The following LGI4 variants were observed in gnomAD, a reference collection of about 807,000 sequenced individuals.
The protein encoded by LGI4 is leucine rich repeat LGI family member 4, also known as leucine-rich repeat LGI family member 4.
Under a neutral mutation model 48.3 loss-of-function variants are expected in LGI4, and 36 were observed. That is an observed-to-expected ratio of 0.75 (90% CI 0.57 to 0.98). LGI4 has a LOEUF of 0.98. LGI4 is among the 50% of genes least tolerant of loss of function. The pLI, the probability that LGI4 is intolerant of heterozygous loss-of-function variation, is 0.00. For missense variants in LGI4, 701 were observed against 732.1 expected, an observed-to-expected ratio of 0.96 and a Z score of 0.49; for synonymous variants, 355 against 331.6, an observed-to-expected ratio of 1.07 and a Z score of -0.77.
In LGI4 at chr19:35,131,870, G is replaced by A. The variant is rs777168636; in HGVS notation, c.387-10C>T. ...GTTATTGGCCAGGCTTCTGGTGGAG[G>A]AAGAGAAGGCACCGTCAGCAGCCAC... is the stretch of plus-strand genomic sequence containing the variant. On this transcript the variant is annotated splice_polypyrimidine_tract_variant and intron_variant, in intron 4 of 8. Coordinates refer to ENST00000310123, the MANE Select transcript of LGI4 (RefSeq NM_139284.3). 7.0e-6 allele frequency: 11 copies of A among 1,570,020 alleles called. No individual in the cohort carries two copies. The African/African-American group carries it at 1.2e-4, about 17-fold the overall frequency.
chr19:35,128,823 C>T (rs1056386499), intron 6 of LGI4, among the ~76,000 whole-genome samples: 4 of 152,322 alleles, frequency 2.6e-5, no homozygotes, highest in Admixed American at 2.0e-4. Flanking sequence ...CACTCACTAC[C>T]CCTGAGCCAC....
At chr19:35,125,956 AC>A in intron 8 of LGI4, 1 of 538,042 alleles carries the variant, frequency 1.9e-6, no homozygotes, top group South Asian at 1.9e-5. Context: ...GCAGTGCTTA[AC>A]CCTAGCATCA....
chr19:35,129,243 G>A (rs2065159624), intron 6 of LGI4, among the ~76,000 whole-genome samples: 2 of 152,004 alleles, frequency 1.3e-5, no homozygotes, highest in Non-Finnish European at 1.5e-5. Flanking sequence ...CTTCTTCTAT[G>A]TGTCCCACAG....
chr19:35,127,976 C>G (rs1410567379), intron 6 of LGI4, among the ~76,000 whole-genome samples: 1 of 152,166 alleles, frequency 6.6e-6, no homozygotes, highest in Non-Finnish European at 1.5e-5. Context: ...TTAGATGTGG[C>G]TGTTTTGAGA....
intron 3 of LGI4, 33 bp from the exon 4 acceptor site, chr19:35,132,075 C>A (rs1350336023): frequency 6.5e-7 from 1 of 1,543,504 alleles, no homozygotes; most frequent in Non-Finnish European, 8.8e-7. Context: ...GGGGGAGGCC[C>A]GCTGAGCTTC....
chr19:35,133,092 G>A (rs1006934268), intron 3 of LGI4, among the ~76,000 whole-genome samples: 2 of 152,060 alleles, frequency 1.3e-5, no homozygotes, highest in Middle Eastern at 3.4e-3. Flanking sequence ...TCACCACTGG[G>A]GCTACCATTT....
At chr19:35,134,454 C>G (rs552113941) in intron 1 of LGI4, 57 bp downstream of exon 1, 2 of 1,528,960 alleles carry the variant, frequency 1.3e-6, no homozygotes, top group East Asian at 2.4e-5. Context: ...ATCCCAACCT[C>G]TGGGGTCCCA....
At chr19:35,133,373 A>G (rs2065188130) in intron 3 of LGI4, 22 of 1,191,822 alleles carry the variant, frequency 1.8e-5, no homozygotes, top group Non-Finnish European at 2.2e-5. Context: ...TGACTTCTGT[A>G]CACCCTTCCT....
At chr19:35,130,701 A>T (rs2145365532) in intron 6 of LGI4, among the ~76,000 whole-genome samples, 1 of 152,288 alleles carries the variant, frequency 6.6e-6, no homozygotes, top group South Asian at 2.1e-4. Context: ...CAACTCTTAG[A>T]AAAGAAGAGC....
At chr19:35,127,286 G>A (rs965241795) in intron 6 of LGI4, among the ~76,000 whole-genome samples, 5 of 152,224 alleles carry the variant, frequency 3.3e-5, no homozygotes, top group African/African-American at 1.2e-4. Flanking sequence ...CTAGGCTCAA[G>A]CAATCCTCCT....
At chr19:35,133,803 AG>A (rs1461332406) in intron 2 of LGI4, 39 bp from the exon 3 acceptor site, 1 of 1,564,376 alleles carries the variant, frequency 6.4e-7, no homozygotes, top group Admixed American at 1.9e-5. Context: ...CCAGAATTGC[AG>A]CCCCCATCTG....
At chr19:35,131,730 C>T in intron 5 of LGI4, 59 bp downstream of exon 5, 1 of 1,430,554 alleles carries the variant, frequency 7.0e-7, no homozygotes, top group Non-Finnish European at 9.6e-7. Flanking sequence ...GGCACGGATG[C>T]CCCCCGCCGA....
Position 35,134,628 on chromosome 19 carries a change from A to G in LGI4, c.53T>C (p.Val18Ala), listed in dbSNP as rs2065197435. The change falls in exon 1 of 9, where the codon GTG becomes GCG. Residue 18 changes from valine to alanine, a missense_variant. By Grantham distance (64) the Val-to-Ala change is moderately conservative (BLOSUM62 0). Coordinates refer to ENST00000310123, the MANE Select transcript of LGI4 (RefSeq NM_139284.3). ...LLLLAGAGVV[V>A]AWRPPKGKCP... The stretch of plus-strand genomic sequence containing the variant: ...CTTTCCCTTTGGGGGTCTCCAGGCC[A>G]CCACCACCCCCGCCCCAGCCAGCAG... 6.4e-7 allele frequency: 1 copy of G among 1,570,468 alleles called. No homozygotes were observed. The highest frequency in any genetic ancestry group is 8.7e-7 in the Non-Finnish European group (1 of 1,155,118).
At chr19:35,133,977 G>T in intron 2 of LGI4, 56 bp downstream of exon 2, 1 of 1,506,296 alleles carries the variant, frequency 6.6e-7, no homozygotes, top group Non-Finnish European at 9.0e-7. Context: ...TCCCACACAT[G>T]TGCATAAACG....
At position 35,133,725 on chromosome 19, in the gene LGI4, A is replaced by G. The variant is rs1451024714; in HGVS notation, c.282T>C (p.Asp94=). The stretch of plus-strand genomic sequence containing the variant: ...GCAGGTGGGACAGGCCCGCAAATGC[A>G]TCGTCCTCAATCACGGAGAAGGAGT... ...TSNSFSVIED[D]AFAGLSHLQY... The change falls in exon 3 of 9, where the codon GAT becomes GAC. Residue 94 remains aspartate, a synonymous_variant. Transcript: ENST00000310123. 1.9e-6 allele frequency: 3 copies of G among 1,609,514 alleles called. No homozygotes were observed. Among genetic ancestry groups the G allele is most frequent in the South Asian group, 2.2e-5 (2 of 89,656 alleles).
At chr19:35,125,547 G>A in intron 8 of LGI4, 40 bp from the exon 9 acceptor site, 3 of 1,474,706 alleles carry the variant, frequency 2.0e-6, no homozygotes, top group Non-Finnish European at 2.7e-6. Context: ...GGTCCCGGGG[G>A]TCTCTGGGGG....
intron 6 of LGI4, among the ~76,000 whole-genome samples, chr19:35,129,845 T>C (rs1330476140): frequency 6.6e-6 from 1 of 151,550 alleles, no homozygotes; most frequent in African/African-American, 2.4e-5. Flanking sequence ...GGAAGGCATC[T>C]GTCTCCTGCT....
At chr19:35,131,676 G>T (rs1053056300) in intron 5 of LGI4, 113 bp downstream of exon 5, 4 of 1,402,188 alleles carry the variant, frequency 2.9e-6, no homozygotes, top group Non-Finnish European at 9.8e-7. Flanking sequence ...AGAAAAATAC[G>T]TAAGAACCAC....
intron 6 of LGI4, among the ~76,000 whole-genome samples, chr19:35,129,954 G>A (rs1232714710): frequency 1.3e-5 from 2 of 152,138 alleles, no homozygotes; most frequent in South Asian, 4.2e-4. Context: ...ACATGCTGGC[G>A]GCAATACTGC....
Sources: allele counts gnomAD v4.1 joint callset (sites outside exome capture counted in the v4.1 genomes callset), GRCh38; gene constraint gnomAD v4.1.1; transcripts MANE v1.5; gene names NCBI Gene and HGNC (gene_info 2026-07-23, HGNC 2026-07-21).